XDH: variants seen among roughly 807,000 people sequenced by gnomAD.
XDH encodes the protein xanthine dehydrogenase/oxidase.
XDH carries 138 observed loss-of-function variants against 156.1 expected under a neutral mutation model. That is an observed-to-expected ratio of 0.88 (90% CI 0.77 to 1.02). The LOEUF (loss-of-function observed/expected upper bound fraction) is 1.02. Among genes scored for constraint, XDH ranks in the 50% least tolerant of loss-of-function variants. The pLI, the probability that XDH is intolerant of heterozygous loss-of-function variation, is 0.00. For synonymous variants in XDH, 669 were observed against 625.7 expected, an observed-to-expected ratio of 1.07 and a Z score of -1.03; for missense variants, 1,849 against 1,684.9, an observed-to-expected ratio of 1.10 and a Z score of -1.71.
chr2:31,363,986 A>G lies in XDH; in HGVS notation c.2631+172T>C, dbSNP rs1246955718. On this transcript the variant is annotated intron_variant, in intron 24 of 35. Transcript: ENST00000379416. The stretch of plus-strand genomic sequence containing the variant: ...GGTTTTTAACCAGAGAAATAATACG[A>G]TCATCATTGTGCTATAGAGATTAAT... Among the ~76,000 whole-genome samples the G allele has an allele frequency of 1.3e-5, 2 of 152,142 alleles. 1 individual carries two copies. The highest frequency in any genetic ancestry group is 2.9e-5 in the Non-Finnish European group (2 of 68,028).
intron 24 of XDH, among the ~76,000 whole-genome samples, chr2:31,352,781 G>A (rs1199620352): frequency 1.3e-5 from 2 of 152,064 alleles, no homozygotes; most frequent in Non-Finnish European, 2.9e-5. Flanking sequence ...CCCTAGATCT[G>A]AAGTGTGAAG....
chr2:31,384,688 C>A (rs536797677), intron 9 of XDH, among the ~76,000 whole-genome samples: 6 of 152,218 alleles, frequency 3.9e-5, no homozygotes, highest in Admixed American at 6.5e-5. Flanking sequence ...CCCTTCCCCC[C>A]AGGTGCTGTT....
chr2:31,372,382 G>A lies in XDH; in HGVS notation c.1702C>T (p.Gln568Ter). Residue 568 changes from glutamine (Q) to a stop codon, truncating the protein, a stop_gained, in exon 17 of 36, where the codon CAG becomes TAG. Coordinates refer to ENST00000379416, the MANE Select transcript of XDH (RefSeq NM_000379.4). LOFTEE classifies it high-confidence loss of function. ...VQLFQEVPKG[Q>*]SEEDMVGRPL... ...CGGCCCACCATGTCCTCCTCAGACT[G>A]ACCCTTGGGCACCTCCTGGAATGAC... is the stretch of plus-strand genomic sequence containing the variant. 8 of 1,614,054 alleles carry A rather than the reference G, an allele frequency of 5.0e-6. No homozygotes were observed. Among genetic ancestry groups the A allele is most frequent in the Non-Finnish European group, 6.8e-6 (8 of 1,180,048 alleles).
chr2:31,378,131 G>GA (rs1686317083), intron 13 of XDH, among the ~76,000 whole-genome samples: 2 of 59,982 alleles, frequency 3.3e-5, no homozygotes, highest in African/African-American at 1.2e-4. Flanking sequence ...AGGAAGGAAG[G>GA]AAGGAAGGAA....
At chr2:31,366,801 G>A in intron 21 of XDH, 69 bp downstream of exon 21, 2 of 1,610,836 alleles carry the variant, frequency 1.2e-6, no homozygotes, top group Non-Finnish European at 1.7e-6. Context: ...TTCCCACATG[G>A]CCCTCCTGGT....
At chr2:31,338,930 G>T (rs138572729) in intron 34 of XDH, among the ~76,000 whole-genome samples, 1 of 151,620 alleles carries the variant, frequency 6.6e-6, no homozygotes, top group Non-Finnish European at 1.5e-5. Context: ...TTGCCATGTT[G>T]CCCAGGCTGG....
At chr2:31,399,917 C>T (rs777008808) in intron 4 of XDH, among the ~76,000 whole-genome samples, 7 of 152,194 alleles carry the variant, frequency 4.6e-5, no homozygotes, top group Non-Finnish European at 8.8e-5. Context: ...TAGACTAATA[C>T]TTGACTCCTA....
chr2:31,389,408 C>A (rs1189152562), intron 6 of XDH, among the ~76,000 whole-genome samples: 1 of 152,180 alleles, frequency 6.6e-6, no homozygotes, highest in Non-Finnish European at 1.5e-5. Flanking sequence ...CACTGGACAC[C>A]AGACCTGCTC....
Position 31,379,913 on chromosome 2 carries a change from C to T in XDH, c.1196G>A (p.Ser399Asn). ...FFPGYRKTLL[S>N]PEEILLSIEI... Reference sequence around the variant, plus strand: ...TATGGAGAGCAGTATCTCCTCCGGGCTCAGCAGGGTCTTTCTGTAGCCAGG... The same window carrying T: ...TATGGAGAGCAGTATCTCCTCCGGGTTCAGCAGGGTCTTTCTGTAGCCAGG... Residue 399 changes from serine (S) to asparagine (N), a missense_variant, in exon 13 of 36, where the codon AGC becomes AAC. By Grantham distance (46) the Ser-to-Asn change is conservative. Transcript: ENST00000379416. 1 of 1,614,180 alleles carries T rather than the reference C, an allele frequency of 6.2e-7. No homozygotes were observed.
intron 24 of XDH, among the ~76,000 whole-genome samples, chr2:31,351,831 G>A (rs1376478006): frequency 2.0e-5 from 3 of 152,182 alleles, no homozygotes; most frequent in African/African-American, 7.2e-5. Context: ...CATTTTACTA[G>A]TACATTCTAG....
intron 14 of XDH, 112 bp from the exon 15 acceptor site, chr2:31,375,666 G>T: frequency 7.6e-7 from 1 of 1,310,690 alleles, no homozygotes. Flanking sequence ...TCAAAATTTG[G>T]CTTGGATACT....
At chr2:31,345,759 C>G (rs532586821) in intron 30 of XDH, among the ~76,000 whole-genome samples, 186 of 152,222 alleles carry the variant, frequency 1.2e-3, no homozygotes, top group African/African-American at 4.2e-3. Context: ...GTGTTGGTGA[C>G]TGTGGTTCAT....
chr2:31,379,750 A>T, intron 13 of XDH, 117 bp downstream of exon 13: 1 of 998,540 alleles, frequency 1.0e-6, no homozygotes. Flanking sequence ...AAAAATCATC[A>T]ATGTAAAGGT....
At chr2:31,382,625 C>A (rs1315398615) in intron 11 of XDH, among the ~76,000 whole-genome samples, 1 of 152,176 alleles carries the variant, frequency 6.6e-6, no homozygotes, top group African/African-American at 2.4e-5. Flanking sequence ...ATTCTGACTT[C>A]TCCCTAGCAT....
Position 31,370,477 on chromosome 2 carries a change from A to T in XDH, c.1858T>A (p.Ser620Thr), listed in dbSNP as rs1686043262. Residue 620 changes from serine to threonine, a missense_variant and splice_region_variant, in exon 18 of 36, where the codon TCC becomes ACC. Physicochemically the swap from Ser to Thr is moderately conservative, Grantham distance 58. Coordinates refer to ENST00000379416, the MANE Select transcript of XDH (RefSeq NM_000379.4). ...TSTRAHAKIK[S>T]IDTSEAKKVP... ...TTCTTAGCTTCTGATGTATCTATGG[A>T]CCTGCAAGAATGAGTGGTGTGAGGG... 2 of 1,614,046 alleles carry T rather than the reference A, an allele frequency of 1.2e-6. No individual in the cohort carries two copies. Among genetic ancestry groups the T allele is most frequent in the Admixed American group, 3.3e-5 (2 of 59,992 alleles).
intron 24 of XDH, among the ~76,000 whole-genome samples, chr2:31,351,466 T>C (rs1685478481): frequency 1.3e-5 from 2 of 152,160 alleles, no homozygotes; most frequent in African/African-American, 2.4e-5. Context: ...CCAATTTAAA[T>C]TCGCTGCCCA....
intron 35 of XDH, among the ~76,000 whole-genome samples, chr2:31,337,422 G>T (rs999901696): frequency 3.3e-5 from 5 of 152,120 alleles, no homozygotes; most frequent in Admixed American, 6.5e-5. Flanking sequence ...CTCTAAGGAG[G>T]CCCAGCTACA....
At chr2:31,358,790 A>C (rs1455451700) in intron 24 of XDH, among the ~76,000 whole-genome samples, 1 of 152,134 alleles carries the variant, frequency 6.6e-6, no homozygotes, top group Non-Finnish European at 1.5e-5. Flanking sequence ...AAAAACAAAC[A>C]AACAAACAAA....
At chr2:31,392,254 C>T (rs183305848) in intron 6 of XDH, among the ~76,000 whole-genome samples, 123 of 151,856 alleles carry the variant, frequency 8.1e-4, no homozygotes, top group African/African-American at 2.8e-3. Flanking sequence ...ACCCAAATTT[C>T]AGTTATGTTG....
Sources: allele counts gnomAD v4.1 joint callset (sites outside exome capture counted in the v4.1 genomes callset), GRCh38; gene constraint gnomAD v4.1.1; transcripts MANE v1.5; gene names NCBI Gene and HGNC (gene_info 2026-07-23, HGNC 2026-07-21).